ALK: variants seen among roughly 807,000 people sequenced by gnomAD.
The protein encoded by ALK is ALK tyrosine kinase receptor.
A neutral mutation model predicts 163.1 loss-of-function variants in ALK; 74 were observed. The observed-to-expected ratio is 0.45, with a 90% CI of 0.38 to 0.55. The LOEUF (loss-of-function observed/expected upper bound fraction) is 0.55. Among genes scored for constraint, ALK ranks in the 20% least tolerant of loss-of-function variants. ALK has a pLI of 0.00. For synonymous variants in ALK, 960 were observed against 843.2 expected, an observed-to-expected ratio of 1.14 and a Z score of -2.40; for missense variants, 2,063 against 2,105.3, an observed-to-expected ratio of 0.98 and a Z score of 0.39.
chr2:29,240,222 T>A (rs1485377340), intron 12 of ALK, among the ~76,000 whole-genome samples: 1 of 151,894 alleles, frequency 6.6e-6, no homozygotes, highest in African/African-American at 2.4e-5. Context: ...GATGGCTTTC[T>A]GAATACCTAG....
At chr2:29,451,627 T>A (rs1670822822) in intron 4 of ALK, among the ~76,000 whole-genome samples, 1 of 152,214 alleles carries the variant, frequency 6.6e-6, no homozygotes, top group Non-Finnish European at 1.5e-5. Context: ...CCCCTGCTTC[T>A]CCAGGAAGCC....
At chr2:29,868,056 T>C (rs1354189350) in intron 1 of ALK, among the ~76,000 whole-genome samples, 1 of 152,212 alleles carries the variant, frequency 6.6e-6, no homozygotes, top group Non-Finnish European at 1.5e-5. Context: ...CTTGAGATCA[T>C]GCCCTACTTT....
At chr2:29,572,764 T>C (rs911303263) in intron 3 of ALK, among the ~76,000 whole-genome samples, 2 of 152,186 alleles carry the variant, frequency 1.3e-5, no homozygotes, top group African/African-American at 4.8e-5. Flanking sequence ...GAATGAAGAC[T>C]TCTCTCAAAT....
At chr2:29,252,675 C>T (rs1019849024) in intron 11 of ALK, among the ~76,000 whole-genome samples, 1 of 152,046 alleles carries the variant, frequency 6.6e-6, no homozygotes, top group Non-Finnish European at 1.5e-5. Flanking sequence ...GTCCTCAACA[C>T]TTTTCTGGGC....
At chr2:29,528,969 C>T (rs537031821) in intron 4 of ALK, among the ~76,000 whole-genome samples, 1 of 152,282 alleles carries the variant, frequency 6.6e-6, no homozygotes, top group South Asian at 2.1e-4. Flanking sequence ...AGCCAAAGCC[C>T]GGCAGCCTTG....
intron 1 of ALK, among the ~76,000 whole-genome samples, chr2:29,910,257 C>G (rs1398207094): frequency 6.6e-6 from 1 of 151,640 alleles, no homozygotes; most frequent in Non-Finnish European, 1.5e-5. Flanking sequence ...GGTTTATTAG[C>G]ACATTAGACA....
intron 7 of ALK, among the ~76,000 whole-genome samples, chr2:29,319,739 C>A (rs1666954831): frequency 6.6e-6 from 1 of 152,240 alleles, no homozygotes; most frequent in Non-Finnish European, 1.5e-5. Context: ...TGGAAATTAT[C>A]AAACTGGGAA....
At position 29,355,057 on chromosome 2, in the gene ALK, C is replaced by T. The variant is rs559156101; in HGVS notation, c.1283-26576G>A. ...CTGGGATTATAGGCGTGAGCCACTA[C>T]GCCCGGCCAGCCCACTTTTCTTTGT... On this transcript the variant is annotated intron_variant, in intron 5 of 28. Coordinates refer to ENST00000389048, the MANE Select transcript of ALK (RefSeq NM_004304.5). 3.0e-3 allele frequency among the ~76,000 whole-genome samples: 452 copies of T among 152,330 alleles called. 2 individuals carry two copies. The highest frequency in any genetic ancestry group is 0.01 in the African/African-American group (423 of 41,576).
chr2:29,516,239 T>A (rs1226783580), intron 4 of ALK, among the ~76,000 whole-genome samples: 1 of 152,198 alleles, frequency 6.6e-6, no homozygotes, highest in Non-Finnish European at 1.5e-5. Context: ...AGTGCACTGT[T>A]GGGGTTTGGT....
chr2:29,699,433 C>T (rs1678667919), intron 2 of ALK, among the ~76,000 whole-genome samples: 1 of 152,202 alleles, frequency 6.6e-6, no homozygotes, highest in African/African-American at 2.4e-5. Flanking sequence ...CAGAGAGTGA[C>T]CTAGAACTGG....
Position 29,575,199 on chromosome 2 carries a change from G to C in ALK, c.953-43083C>G, listed in dbSNP as rs1289229936. Among the ~76,000 whole-genome samples the C allele has an allele frequency of 1.2e-4, 19 of 152,218 alleles. 1 individual carries two copies. In the East Asian group the frequency reaches 3.7e-3, roughly 29 times the overall value. ...TGGTTATAAGGGTGAACGGTGTTGC[G>C]GGGGGAGGTGGAAATCCAAGAGAGG... is the stretch of plus-strand genomic sequence containing the variant. On this transcript the variant is annotated intron_variant, in intron 3 of 28. Coordinates refer to ENST00000389048, the MANE Select transcript of ALK (RefSeq NM_004304.5).
At chr2:29,535,235 C>T (rs961996908) in intron 3 of ALK, among the ~76,000 whole-genome samples, 2 of 152,230 alleles carry the variant, frequency 1.3e-5, no homozygotes, top group African/African-American at 2.4e-5. Flanking sequence ...AGAGGCAGAT[C>T]AAAGAGCTCT....
chr2:29,478,785 A>C (rs1558342488), intron 4 of ALK, among the ~76,000 whole-genome samples: 1 of 152,202 alleles, frequency 6.6e-6, no homozygotes, highest in Non-Finnish European at 1.5e-5. Flanking sequence ...TTTGAAGGGC[A>C]GGCAGGATTT....
chr2:29,595,481 C>T (rs544805291), intron 3 of ALK, among the ~76,000 whole-genome samples: 91 of 152,150 alleles, frequency 6.0e-4, no homozygotes, highest in African/African-American at 2.1e-3. Flanking sequence ...CCACCACGCC[C>T]GGCTAATTTT....
intron 1 of ALK, among the ~76,000 whole-genome samples, chr2:29,826,818 T>C (rs1393661875): frequency 6.6e-6 from 1 of 152,184 alleles, no homozygotes; most frequent in African/African-American, 2.4e-5. Context: ...TTATTTGCCA[T>C]AAGGAACAAA....
intron 1 of ALK, among the ~76,000 whole-genome samples, chr2:29,792,160 G>T (rs541960647): frequency 6.6e-6 from 1 of 152,308 alleles, no homozygotes; most frequent in Non-Finnish European, 1.5e-5. Context: ...CAAATGGAGG[G>T]ATGGGGAATT....
chr2:29,205,899 C>T (rs558389054), intron 26 of ALK, among the ~76,000 whole-genome samples: 1 of 152,204 alleles, frequency 6.6e-6, no homozygotes, highest in Admixed American at 6.5e-5. Context: ...CTGTGCCCCA[C>T]TTGGCAGTAC....
intron 4 of ALK, among the ~76,000 whole-genome samples, chr2:29,391,619 T>C (rs940909201): frequency 6.6e-6 from 1 of 152,154 alleles, no homozygotes; most frequent in East Asian, 1.9e-4. Context: ...TAGCTTCTTT[T>C]GAGCTTCTTC....
rs899977423 is a variant in ALK at position 29,921,191 on chromosome 2, C to A, written c.-532G>T. The stretch of plus-strand genomic sequence containing the variant: ...TCCAAGCTCTTCTGCCCGGTCTGGG[C>A]GGGAACCGAGGGCGGAGGCTGCCGT... On this transcript the variant is annotated 5_prime_UTR_variant, in exon 1 of 29. Transcript: ENST00000389048. The A allele has an allele frequency of 4.3e-6, 1 of 234,712 alleles. No individual in the cohort carries two copies. Among genetic ancestry groups the A allele is most frequent in the East Asian group, 6.0e-5 (1 of 16,572 alleles). The allele number at this position is 234,712 out of a possible 1,614,324, so 14.5% of individuals were successfully genotyped here. A position where few individuals can be genotyped will look rare whatever the true frequency, so the allele number is the denominator to read the frequency against.
Sources: allele counts gnomAD v4.1 joint callset (sites outside exome capture counted in the v4.1 genomes callset), GRCh38; gene constraint gnomAD v4.1.1; transcripts MANE v1.5; gene names NCBI Gene and HGNC (gene_info 2026-07-23, HGNC 2026-07-21).